DOK6: variants seen among roughly 807,000 people sequenced by gnomAD.
DOK6 encodes docking protein 6.
DOK6 carries 22 observed loss-of-function variants against 44.0 expected under a neutral mutation model. The ratio of observed to expected loss-of-function variants is 0.50; its 90% CI spans 0.36 to 0.71. The LOEUF is 0.71. Among genes scored for constraint, DOK6 ranks in the 30% least tolerant of loss-of-function variants. DOK6 has a pLI of 0.00. For missense variants in DOK6, 340 were observed against 416.4 expected (o/e 0.82, Z 1.60); for synonymous variants, 166 against 145.5 (o/e 1.14, Z -1.01).
At chr18:69,795,096 A>T (rs11665113) in intron 7 of DOK6, among the ~76,000 whole-genome samples, 7,146 of 152,212 alleles carry the variant, frequency 0.047, 225 homozygotes, top group Middle Eastern at 0.14. Flanking sequence ...TCCATGGAAA[A>T]ATTGTCTTCC....
At chr18:69,816,488 A>G (rs17204947) in intron 7 of DOK6, among the ~76,000 whole-genome samples, 15,553 of 152,218 alleles carry the variant, frequency 0.1, 1,079 homozygotes, top group Non-Finnish European at 0.15. Context: ...TAAAGAGACT[A>G]TGTTTTCAGA....
chr18:69,519,387 GACAATAAGTCAGAT>G (rs1190048450), intron 1 of DOK6, among the ~76,000 whole-genome samples: 59 of 152,014 alleles, frequency 3.9e-4, no homozygotes, highest in African/African-American at 1.3e-3. Flanking sequence ...AGCAGCAGAA[GACAATAAGTCAGAT>G]ACAAGAATGT....
At chr18:69,757,309 T>G (rs1212774243) in intron 6 of DOK6, among the ~76,000 whole-genome samples, 1 of 152,222 alleles carries the variant, frequency 6.6e-6, no homozygotes, top group East Asian at 1.9e-4. Context: ...ATAACGGGTA[T>G]TCTGTAAACC....
chr18:69,498,248 A>G (rs529752927), intron 1 of DOK6, among the ~76,000 whole-genome samples: 20 of 152,160 alleles, frequency 1.3e-4, no homozygotes, highest in Non-Finnish European at 2.6e-4. Context: ...TTTAATTTTT[A>G]TTAATGAAAA....
chr18:69,425,463 T>C (rs1448499659), intron 1 of DOK6, among the ~76,000 whole-genome samples: 1 of 152,004 alleles, frequency 6.6e-6, no homozygotes, highest in Non-Finnish European at 1.5e-5. Flanking sequence ...CTGTTTTTCA[T>C]TATATTTACA....
At chr18:69,660,878 C>T (rs80267214) in intron 3 of DOK6, 2,686 of 152,308 alleles carry the variant, frequency 0.018, 99 homozygotes, top group East Asian at 0.13. Flanking sequence ...ACTATGTTGA[C>T]CAGGTTGGTC....
chr18:69,577,262 C>T (rs962768245), intron 2 of DOK6, among the ~76,000 whole-genome samples: 1 of 152,090 alleles, frequency 6.6e-6, no homozygotes, highest in Middle Eastern at 3.2e-3. Context: ...GGACACTCTA[C>T]CCTCATTTTG....
intron 7 of DOK6, among the ~76,000 whole-genome samples, chr18:69,818,499 T>C (rs1172998904): frequency 6.6e-6 from 1 of 152,140 alleles, no homozygotes. Flanking sequence ...TGGCCTGAAG[T>C]TGCTGTCCAC....
intron 1 of DOK6, among the ~76,000 whole-genome samples, chr18:69,496,511 A>AC (rs1428625039): frequency 6.6e-6 from 1 of 152,200 alleles, no homozygotes; most frequent in Non-Finnish European, 1.5e-5. Flanking sequence ...TTTTCAGTGG[A>AC]CCTATATACA....
chr18:69,477,901 A>AAT (rs1381131939), intron 1 of DOK6, among the ~76,000 whole-genome samples: 1 of 152,186 alleles, frequency 6.6e-6, no homozygotes, highest in Non-Finnish European at 1.5e-5. Flanking sequence ...CTACTGTAGT[A>AAT]TTTGAGCCTT....
intron 7 of DOK6, among the ~76,000 whole-genome samples, chr18:69,815,717 A>T (rs10513977): frequency 3.3e-5 from 5 of 152,102 alleles, no homozygotes; most frequent in African/African-American, 4.8e-5. Flanking sequence ...CTGTAATTTC[A>T]TAGGATTCAA....
At chr18:69,754,677 C>T (rs1293747282) in intron 6 of DOK6, among the ~76,000 whole-genome samples, 1 of 152,188 alleles carries the variant, frequency 6.6e-6, no homozygotes, top group African/African-American at 2.4e-5. Flanking sequence ...TTTAGATGGG[C>T]ACTTCCTTGC....
intron 3 of DOK6, among the ~76,000 whole-genome samples, chr18:69,671,699 C>T (rs1043445765): frequency 2.0e-5 from 3 of 152,186 alleles, no homozygotes; most frequent in Non-Finnish European, 2.9e-5. Flanking sequence ...ATAAACTCTA[C>T]TTAAATTGAG....
At chr18:69,810,746 T>C (rs1245247313) in intron 7 of DOK6, among the ~76,000 whole-genome samples, 1 of 150,520 alleles carries the variant, frequency 6.6e-6, no homozygotes, top group African/African-American at 2.4e-5. Context: ...GAAAAACAAA[T>C]AAAAGCCTCA....
In DOK6 at chr18:69,470,772, G is replaced by A. The variant is rs191301118; in HGVS notation, c.66+69462G>A. On this transcript the variant is annotated intron_variant, in intron 1 of 7. Coordinates refer to ENST00000382713, the MANE Select transcript of DOK6 (RefSeq NM_152721.6). Reference sequence around the variant, plus strand: ...TTGTGTGGAAAAGATGCTGGTAAACGAGCAGAAAACAAAGCGTAAGAAATT... The same window carrying A: ...TTGTGTGGAAAAGATGCTGGTAAACAAGCAGAAAACAAAGCGTAAGAAATT... Among the ~76,000 whole-genome samples the A allele has an allele frequency of 3.9e-5, 6 of 152,258 alleles. No homozygotes were observed. The East Asian group carries it at 1.2e-3, about 29-fold the overall frequency.
rs1270485811 is a variant in DOK6 at position 69,815,437 on chromosome 18, C to A, written c.857-25807C>A. 2.0e-5 allele frequency among the ~76,000 whole-genome samples: 3 copies of A among 152,254 alleles called. No homozygotes were observed. In the East Asian group the frequency reaches 5.8e-4, roughly 29 times the overall value. The stretch of plus-strand genomic sequence containing the variant: ...CAGTAATATACGATAGAGATAGGTG[C>A]TAAAATTTGCATTGTGGCAATTACT... On this transcript the variant is annotated intron_variant, in intron 7 of 7. Coordinates refer to ENST00000382713, the MANE Select transcript of DOK6 (RefSeq NM_152721.6).
chr18:69,591,521 T>C (rs1273144775), intron 2 of DOK6, among the ~76,000 whole-genome samples: 1 of 152,174 alleles, frequency 6.6e-6, no homozygotes, highest in African/African-American at 2.4e-5. Flanking sequence ...AATTAAAATT[T>C]GGGAATCTTG....
intron 2 of DOK6, among the ~76,000 whole-genome samples, chr18:69,584,347 C>T (rs1983448090): frequency 6.6e-6 from 1 of 151,996 alleles, no homozygotes; most frequent in African/African-American, 2.4e-5. Context: ...AGTGCAGTGG[C>T]ACAACCTCCA....
chr18:69,503,795 GAATAATATT>G (rs1981110896), intron 1 of DOK6, among the ~76,000 whole-genome samples: 1 of 151,496 alleles, frequency 6.6e-6, no homozygotes, highest in South Asian at 2.1e-4. Context: ...ATTTTATATT[GAATAATATT>G]TTAAACCAAT....
Sources: gnomAD v4.1 joint callset for allele counts (sites outside exome capture counted in the v4.1 genomes callset) on GRCh38, gnomAD v4.1.1 for gene constraint, MANE v1.5 for transcripts, NCBI Gene and HGNC (gene_info 2026-07-23, HGNC 2026-07-21) for gene names.